Variants in PPP3CA observed in about 807,000 individuals in gnomAD.
PPP3CA encodes CAM-PRP catalytic subunit.
Under a neutral mutation model 66.5 loss-of-function variants are expected in PPP3CA, and 14 were observed. That is an observed-to-expected ratio of 0.21 (90% CI 0.14 to 0.33). The LOEUF is 0.33. Ranked by LOEUF, PPP3CA falls within the 10% of genes least tolerant of loss-of-function variation. The probability of loss-of-function intolerance (pLI) is 1.00; values close to 1 mark genes in which losing one functional copy is unlikely to be tolerated. For missense variants in PPP3CA, 317 were observed against 639.5 expected (o/e 0.50, Z 5.44); for synonymous variants, 232 against 226.2 (o/e 1.03, Z -0.23).
At chr4:101,026,434 C>CT (rs984122412) in intron 13 of PPP3CA, among the ~76,000 whole-genome samples, 2 of 152,218 alleles carry the variant, frequency 1.3e-5, no homozygotes, top group African/African-American at 4.8e-5. Flanking sequence ...CATCAAACAC[C>CT]TTAACCTAGA....
At chr4:101,177,412 T>C (rs1030684311) in intron 2 of PPP3CA, among the ~76,000 whole-genome samples, 5 of 152,112 alleles carry the variant, frequency 3.3e-5, no homozygotes, top group African/African-American at 1.2e-4. Context: ...TGGCACAATC[T>C]CTCGGGATTC....
chr4:101,249,166 CAAA>C (rs56681238), intron 1 of PPP3CA, among the ~76,000 whole-genome samples: 2 of 141,838 alleles, frequency 1.4e-5, no homozygotes, highest in African/African-American at 2.6e-5. Context: ...GACTCTGTCT[CAAA>C]AAAAAAAAAA....
At chr4:101,112,550 C>T (rs566402940) in intron 2 of PPP3CA, among the ~76,000 whole-genome samples, 44 of 152,168 alleles carry the variant, frequency 2.9e-4, no homozygotes, top group African/African-American at 5.8e-4. Context: ...AGGAAAATGA[C>T]GTGCATATAA....
chr4:101,326,218 C>T (rs1212312195), intron 1 of PPP3CA, among the ~76,000 whole-genome samples: 2 of 152,134 alleles, frequency 1.3e-5, no homozygotes, highest in African/African-American at 4.8e-5. Context: ...GGTTAACTGT[C>T]CTCCTAACTC....
At chr4:101,088,755 A>G (rs1293950892) in intron 6 of PPP3CA, among the ~76,000 whole-genome samples, 1 of 152,104 alleles carries the variant, frequency 6.6e-6, no homozygotes, top group Non-Finnish European at 1.5e-5. Context: ...GATACTAATG[A>G]AATTGGAAGC....
intron 2 of PPP3CA, among the ~76,000 whole-genome samples, chr4:101,178,034 T>G (rs1402645725): frequency 6.6e-6 from 1 of 152,134 alleles, no homozygotes; most frequent in Non-Finnish European, 1.5e-5. Flanking sequence ...CTACTACATA[T>G]CAGTTATTAC....
chr4:101,069,509 C>T (rs77794373), intron 8 of PPP3CA, among the ~76,000 whole-genome samples: 5,022 of 152,254 alleles, frequency 0.033, 133 homozygotes, highest in Non-Finnish European at 0.043. Flanking sequence ...CTCATATTAT[C>T]TTACCTACAT....
At chr4:101,184,300 C>G (rs1284095594) in intron 2 of PPP3CA, among the ~76,000 whole-genome samples, 1 of 152,170 alleles carries the variant, frequency 6.6e-6, no homozygotes, top group African/African-American at 2.4e-5. Context: ...TGATTGAGAG[C>G]TTGAGGCCCA....
At chr4:101,344,492 C>T (rs1225388051) in intron 1 of PPP3CA, among the ~76,000 whole-genome samples, 1 of 152,158 alleles carries the variant, frequency 6.6e-6, no homozygotes, top group African/African-American at 2.4e-5. Context: ...TCACATTTCA[C>T]ATCTCACATC....
At position 101,093,867 on chromosome 4, in the gene PPP3CA, G is replaced by A. The variant is rs1730071157; in HGVS notation, c.691C>T (p.Leu231=). The change falls in exon 6 of 14, where the codon CTG becomes TTG. Residue 231 remains leucine, a synonymous_variant. Transcript: ENST00000394854. ...AAATCTTCCAGGGGGTCTGACCACAGGATATCACACATAGGTCCATATGCA... is the reference window on the plus strand; with the variant it reads ...AAATCTTCCAGGGGGTCTGACCACAAGATATCACACATAGGTCCATATGCA... ...PPAYGPMCDI[L]WSDPLEDFGN... The A allele has an allele frequency of 6.2e-7, 1 of 1,613,144 alleles. No homozygotes were observed. The highest frequency in any genetic ancestry group is 1.3e-5 in the African/African-American group (1 of 74,872).
At chr4:101,182,988 C>A (rs892134087) in intron 2 of PPP3CA, among the ~76,000 whole-genome samples, 7 of 152,120 alleles carry the variant, frequency 4.6e-5, no homozygotes, top group African/African-American at 1.4e-4. Flanking sequence ...TCCATTAAAC[C>A]TCTTTCTTTT....
At chr4:101,153,801 C>T (rs886933906) in intron 2 of PPP3CA, among the ~76,000 whole-genome samples, 4 of 152,160 alleles carry the variant, frequency 2.6e-5, no homozygotes, top group African/African-American at 9.7e-5. Flanking sequence ...ATGAAAATCT[C>T]AGAACCACAT....
intron 13 of PPP3CA, among the ~76,000 whole-genome samples, chr4:101,027,537 A>C (rs1192229713): frequency 2.0e-5 from 3 of 152,162 alleles, no homozygotes; most frequent in Non-Finnish European, 2.9e-5. Context: ...TTTAGTAATA[A>C]ATTGCAAAAT....
chr4:101,024,469 T>G lies in PPP3CA; in HGVS notation c.*1396A>C, dbSNP rs149517906. The G allele has an allele frequency of 2.3e-3, 353 of 152,792 alleles. 1 individual carries two copies. Among genetic ancestry groups the G allele is most frequent in the African/African-American group, 8.3e-3 (347 of 41,582 alleles). 9.5% of individuals were successfully genotyped at this position (152,792 alleles called of 1,614,324 possible). A position where few individuals can be genotyped will look rare whatever the true frequency, so the allele number is the denominator to read the frequency against. ...AGGCTGTAGTGAATTACTTGGGCAC[T>G]TATACAATTGTTAAAAAATATGAAT... On this transcript the variant is annotated 3_prime_UTR_variant, in exon 14 of 14. Coordinates refer to ENST00000394854, the MANE Select transcript of PPP3CA (RefSeq NM_000944.5).
chr4:101,330,273 C>T (rs1186528313), intron 1 of PPP3CA: 1 of 430,648 alleles, frequency 2.3e-6, no homozygotes, highest in East Asian at 7.7e-5. Context: ...GAAGATAGGA[C>T]TGACTTGGTG....
At chr4:101,106,451 AAG>A (rs777323814) in intron 3 of PPP3CA, among the ~76,000 whole-genome samples, 5,859 of 11,322 alleles carry the variant, frequency 0.52, 1,313 homozygotes, top group Admixed American at 0.56. Flanking sequence ...GAAAGAAAGA[AAG>A]AGAAAAGAAA....
chr4:101,295,326 A>AC (rs1728169101), intron 1 of PPP3CA, among the ~76,000 whole-genome samples: 2 of 151,484 alleles, frequency 1.3e-5, no homozygotes. Flanking sequence ...AAAAAAAAAA[A>AC]AAAAAGAAAG....
intron 1 of PPP3CA, among the ~76,000 whole-genome samples, chr4:101,236,064 C>T (rs1368515881): frequency 1.9e-4 from 29 of 150,920 alleles, no homozygotes; most frequent in Non-Finnish European, 1.5e-5. Context: ...AAGACAGACA[C>T]CAGCCCTGTA....
intron 11 of PPP3CA, among the ~76,000 whole-genome samples, chr4:101,039,927 T>C (rs1727430933): frequency 6.9e-6 from 1 of 145,226 alleles, no homozygotes. Context: ...TGGAGTTTCC[T>C]TCAAGAAAAT....
Sources: allele counts gnomAD v4.1 joint callset (sites outside exome capture counted in the v4.1 genomes callset), GRCh38; gene constraint gnomAD v4.1.1; transcripts MANE v1.5; gene names NCBI Gene and HGNC (gene_info 2026-07-23, HGNC 2026-07-21).